SPIDR: variants seen among roughly 807,000 people sequenced by gnomAD.
SPIDR encodes the protein scaffold protein involved in DNA repair, also known as DNA repair-scaffolding protein.
SPIDR carries 93 observed loss-of-function variants against 104.6 expected under a neutral mutation model. The observed-to-expected ratio is 0.89, with a 90% CI of 0.75 to 1.06. The LOEUF is 1.06. Among genes scored for constraint, SPIDR ranks in the 50% least tolerant of loss-of-function variants. The pLI is 0.00. For synonymous variants in SPIDR, 431 were observed against 416.9 expected (o/e 1.03, Z -0.41); for missense variants, 1,154 against 1,111.2 (o/e 1.04, Z -0.55).
chr8:47,638,748 G>A (rs1388473336), intron 10 of SPIDR, among the ~76,000 whole-genome samples: 1 of 152,192 alleles, frequency 6.6e-6, no homozygotes, highest in East Asian at 1.9e-4. Context: ...AGGAGATAGT[G>A]TGAGAATTTC....
chr8:47,390,792 C>T (rs1018237355), intron 5 of SPIDR, among the ~76,000 whole-genome samples: 3 of 152,076 alleles, frequency 2.0e-5, no homozygotes. Flanking sequence ...GGGGAGTCAA[C>T]TTGTTCAAAG....
intron 5 of SPIDR, among the ~76,000 whole-genome samples, chr8:47,371,649 C>G (rs2058042979): frequency 6.6e-6 from 1 of 152,168 alleles, no homozygotes; most frequent in African/African-American, 2.4e-5. Context: ...ACATAGGAAT[C>G]TTGGGGGGAG....
chr8:47,417,764 A>T (rs1462014974), intron 7 of SPIDR, among the ~76,000 whole-genome samples: 7 of 152,168 alleles, frequency 4.6e-5, no homozygotes, highest in Non-Finnish European at 8.8e-5. Flanking sequence ...TAGGTCTAAC[A>T]TGTAAGTCTT....
chr8:47,381,573 G>A (rs543278575), intron 5 of SPIDR, among the ~76,000 whole-genome samples: 10 of 152,360 alleles, frequency 6.6e-5, no homozygotes, highest in African/African-American at 2.4e-4. Flanking sequence ...GATAGGCAGG[G>A]TGAACTTGGC....
chr8:47,714,689 T>G (rs889176365), intron 16 of SPIDR, among the ~76,000 whole-genome samples: 9 of 152,152 alleles, frequency 5.9e-5, no homozygotes, highest in Admixed American at 6.5e-5. Flanking sequence ...TTACTGCACA[T>G]TATTCTGCCA....
intron 8 of SPIDR, among the ~76,000 whole-genome samples, chr8:47,457,734 A>G (rs1459180598): frequency 6.6e-6 from 1 of 152,152 alleles, no homozygotes; most frequent in Non-Finnish European, 1.5e-5. Flanking sequence ...TCTTAGATTG[A>G]AGTCCTTGAT....
At chr8:47,359,367 C>T (rs2055265884) in intron 5 of SPIDR, among the ~76,000 whole-genome samples, 1 of 151,878 alleles carries the variant, frequency 6.6e-6, no homozygotes, top group African/African-American at 2.4e-5. Flanking sequence ...TTTTGGAAAG[C>T]ACCATGGGTC....
Position 47,407,979 on chromosome 8 carries a change from A to G in SPIDR, c.877+18A>G. The G allele has an allele frequency of 1.5e-6, 2 of 1,378,914 alleles. No homozygotes were observed. The highest frequency in any genetic ancestry group is 1.4e-5 in the South Asian group (1 of 72,732). The allele number at this position is 1,378,914 out of a possible 1,614,324, so 85.4% of individuals were successfully genotyped here. Reference sequence around the variant, plus strand: ...ACTTTCAGGTAAGGCTTGTGCAGGAATCTGAGACAATGTGTAAAAAAATAT... The same window carrying G: ...ACTTTCAGGTAAGGCTTGTGCAGGAGTCTGAGACAATGTGTAAAAAAATAT... On this transcript the variant is annotated intron_variant, in intron 7 of 19. Coordinates refer to ENST00000297423, the MANE Select transcript of SPIDR (RefSeq NM_001080394.4).
At chr8:47,267,368 TTC>T (rs2034317636) in intron 1 of SPIDR, among the ~76,000 whole-genome samples, 1 of 152,208 alleles carries the variant, frequency 6.6e-6, no homozygotes, top group African/African-American at 2.4e-5. Context: ...ACCTAAGTTT[TTC>T]TTTCTCTAGC....
At chr8:47,654,147 C>A (rs1324557992) in intron 10 of SPIDR, 1 of 1,289,806 alleles carries the variant, frequency 7.8e-7, no homozygotes, top group Admixed American at 2.3e-5. Flanking sequence ...GTTCTCTGGC[C>A]AGGTGAGTGA....
intron 5 of SPIDR, among the ~76,000 whole-genome samples, chr8:47,359,214 C>A (rs1257334672): frequency 6.6e-6 from 1 of 150,428 alleles, no homozygotes; most frequent in African/African-American, 2.5e-5. Context: ...CCACTGCAGT[C>A]CGCAGTCCGG....
intron 10 of SPIDR, among the ~76,000 whole-genome samples, chr8:47,601,876 G>A (rs1216620850): frequency 6.6e-6 from 1 of 152,124 alleles, no homozygotes; most frequent in Non-Finnish European, 1.5e-5. Context: ...TGAGGACAGG[G>A]CTGCTGAGAT....
intron 4 of SPIDR, among the ~76,000 whole-genome samples, chr8:47,291,406 A>G (rs1449192016): frequency 2.6e-5 from 4 of 152,248 alleles, no homozygotes; most frequent in African/African-American, 4.8e-5. Context: ...GCAGGTGTAC[A>G]GTAAAATGGT....
At chr8:47,626,107 T>C (rs892060025) in intron 10 of SPIDR, among the ~76,000 whole-genome samples, 1 of 152,172 alleles carries the variant, frequency 6.6e-6, no homozygotes, top group African/African-American at 2.4e-5. Flanking sequence ...ATCTGATCTT[T>C]GACAAACCTG....
intron 5 of SPIDR, among the ~76,000 whole-genome samples, chr8:47,368,775 G>C (rs1267219025): frequency 6.6e-6 from 1 of 152,150 alleles, no homozygotes. Flanking sequence ...GATGGAAAAG[G>C]TCTGTTCTGT....
chr8:47,615,565 C>T (rs932586639), intron 10 of SPIDR, among the ~76,000 whole-genome samples: 1 of 149,896 alleles, frequency 6.7e-6, no homozygotes, highest in African/African-American at 2.5e-5. Flanking sequence ...CTCCGCCTCT[C>T]GGGTTCCAGC....
At chr8:47,599,452 A>G (rs1230536520) in intron 10 of SPIDR, among the ~76,000 whole-genome samples, 1 of 152,242 alleles carries the variant, frequency 6.6e-6, no homozygotes, top group Non-Finnish European at 1.5e-5. Flanking sequence ...TGTTCTTGAA[A>G]GTAATACAAA....
At chr8:47,507,471 C>T (rs144745361) in intron 8 of SPIDR, among the ~76,000 whole-genome samples, 3 of 152,344 alleles carry the variant, frequency 2.0e-5, no homozygotes, top group Non-Finnish European at 4.4e-5. Context: ...CTGCTCATAT[C>T]GTGTTGCTCC....
chr8:47,575,775 C>T (rs1386387709), intron 8 of SPIDR, among the ~76,000 whole-genome samples: 1 of 151,608 alleles, frequency 6.6e-6, no homozygotes, highest in Non-Finnish European at 1.5e-5. Context: ...GCCTGACCAA[C>T]ATGGTGAAAC....
Sources: allele counts gnomAD v4.1 joint callset (sites outside exome capture counted in the v4.1 genomes callset), GRCh38; gene constraint gnomAD v4.1.1; transcripts MANE v1.5; gene names NCBI Gene and HGNC (gene_info 2026-07-23, HGNC 2026-07-21).